Variants in MFN1 observed in about 807,000 individuals in gnomAD.
The protein encoded by MFN1 is mitofusin 1, also known as mitofusin-1.
A neutral mutation model predicts 92.4 loss-of-function variants in MFN1; 65 were observed. The observed-to-expected ratio is 0.70, with a 90% CI of 0.58 to 0.86. MFN1 has a LOEUF of 0.86. MFN1 is among the 40% of genes least tolerant of loss of function. The pLI, the probability that MFN1 is intolerant of heterozygous loss-of-function variation, is 0.00. For missense variants in MFN1, 781 were observed against 868.0 expected, an observed-to-expected ratio of 0.90 and a Z score of 1.26; for synonymous variants, 297 against 300.9, an observed-to-expected ratio of 0.99 and a Z score of 0.13.
At chr3:179,364,211 A>C (rs76221947) in intron 5 of MFN1, 86 bp from the exon 6 acceptor site, 26,524 of 840,170 alleles carry the variant, frequency 0.032, 557 homozygotes, top group Non-Finnish European at 0.04. Context: ...TTTAAACTTC[A>C]AATTATATAT....
intron 4 of MFN1, among the ~76,000 whole-genome samples, chr3:179,361,889 A>G (rs1455148853): frequency 6.6e-6 from 1 of 152,170 alleles, no homozygotes; most frequent in African/African-American, 2.4e-5. Flanking sequence ...CTGTTTCTGC[A>G]TTAATTGACT....
intron 9 of MFN1, among the ~76,000 whole-genome samples, chr3:179,372,121 A>C (rs1713048310): frequency 6.8e-6 from 1 of 147,518 alleles, no homozygotes; most frequent in Non-Finnish European, 1.5e-5. Context: ...TAAATATTAT[A>C]TATATATGCC....
At chr3:179,372,313 T>G (rs1713056341) in intron 9 of MFN1, among the ~76,000 whole-genome samples, 1 of 151,252 alleles carries the variant, frequency 6.6e-6, no homozygotes, top group South Asian at 2.1e-4. Context: ...TAGGGTCTGT[T>G]TTCAAGGGAA....
chr3:179,367,284 A>G (rs1173927160), intron 7 of MFN1, among the ~76,000 whole-genome samples, 155 bp from the exon 8 acceptor site: 2 of 152,264 alleles, frequency 1.3e-5, no homozygotes, highest in Non-Finnish European at 2.9e-5. Context: ...CCTGTCATCA[A>G]GTATCAAACT....
Position 179,394,624 on chromosome 3 carries a change from C to T in MFN1, c.*2565C>T, listed in dbSNP as rs1466230381. 4 of 151,748 alleles carry T rather than the reference C, an allele frequency of 2.6e-5. No individual in the cohort carries two copies. The highest frequency in any genetic ancestry group is 5.9e-5 in the Non-Finnish European group (4 of 67,930). 9.4% of individuals were successfully genotyped at this position (151,748 alleles called of 1,614,324 possible). On this transcript the variant is annotated 3_prime_UTR_variant, in exon 18 of 18. Coordinates refer to ENST00000471841, the MANE Select transcript of MFN1 (RefSeq NM_033540.3). ...TAGAGACGGGGTTTCACCGTGTTAGCCAGGATGGTCTCGATCTCCTGACCT... is the reference window on the plus strand; with the variant it reads ...TAGAGACGGGGTTTCACCGTGTTAGTCAGGATGGTCTCGATCTCCTGACCT...
intron 16 of MFN1, among the ~76,000 whole-genome samples, chr3:179,389,558 T>G (rs776642193): frequency 6.6e-6 from 1 of 152,202 alleles, no homozygotes; most frequent in Admixed American, 6.5e-5. Flanking sequence ...TTTAAAAATA[T>G]AATGTTTGCC....
intron 9 of MFN1, among the ~76,000 whole-genome samples, chr3:179,373,776 C>T (rs1312995154): frequency 6.6e-6 from 1 of 151,958 alleles, no homozygotes; most frequent in Non-Finnish European, 1.5e-5. Flanking sequence ...CGGGTTCTCG[C>T]CATTCTCCTG....
chr3:179,394,164 C>CTT lies in MFN1; in HGVS notation c.*2106_*2107dup, dbSNP rs1288157187. On this transcript the variant is annotated 3_prime_UTR_variant, in exon 18 of 18. Transcript: ENST00000471841. ...CACACAGCTATAATCAACCTTCAAA[C>CTT]TTATAAAAAGTGTGGATCCTTGGGT... 4 of 152,262 alleles carry CTT rather than the reference C, an allele frequency of 2.6e-5. No homozygotes were observed. In the East Asian group the frequency reaches 5.8e-4, roughly 22 times the overall value. 9.4% of individuals were successfully genotyped at this position (152,262 alleles called of 1,614,324 possible).
intron 14 of MFN1, among the ~76,000 whole-genome samples, chr3:179,383,337 A>G (rs2108554669): frequency 6.6e-6 from 1 of 152,280 alleles, no homozygotes; most frequent in South Asian, 2.1e-4. Flanking sequence ...TCCTTTCCCC[A>G]TTTCTTGTTT....
At chr3:179,383,852 T>G (rs1002846588) in intron 14 of MFN1, among the ~76,000 whole-genome samples, 1 of 152,228 alleles carries the variant, frequency 6.6e-6, no homozygotes, top group Non-Finnish European at 1.5e-5. Context: ...ACAAGCATTT[T>G]AAAAGAAAAA....
chr3:179,378,701 C>A lies in MFN1; in HGVS notation c.1549C>A (p.Gln517Lys). The part of the protein sequence containing the change: ...LNYHKLCSDF[Q>K]EDIVFRFSLG... Reference sequence around the variant, plus strand: ...TTACCACAAGTTATGTTCAGATTTTCAAGAGGATATTGTATTTCGTTTTTC... The same window carrying A: ...TTACCACAAGTTATGTTCAGATTTTAAAGAGGATATTGTATTTCGTTTTTC... The change falls in exon 14 of 18, where the codon CAA becomes AAA. Residue 517 changes from glutamine (Q) to lysine (K), a missense_variant. Transcript: ENST00000471841. 1 of 1,613,718 alleles carries A rather than the reference C, an allele frequency of 6.2e-7. No individual in the cohort carries two copies. Among genetic ancestry groups the A allele is most frequent in the Non-Finnish European group, 8.5e-7 (1 of 1,179,696 alleles).
intron 14 of MFN1, among the ~76,000 whole-genome samples, chr3:179,382,065 A>G (rs1012267798): frequency 1.3e-5 from 1 of 77,200 alleles, no homozygotes. Context: ...AAATACAAGC[A>G]TTTTTTTAAT....
chr3:179,361,328 T>G (rs1265786008), intron 4 of MFN1, among the ~76,000 whole-genome samples: 1 of 152,192 alleles, frequency 6.6e-6, no homozygotes, highest in Non-Finnish European at 1.5e-5. Flanking sequence ...TATTTTAGAT[T>G]CAGGGGTTGG....
At chr3:179,353,140 G>C (rs1300334211) in intron 3 of MFN1, among the ~76,000 whole-genome samples, 2 of 132,528 alleles carry the variant, frequency 1.5e-5, no homozygotes, top group East Asian at 2.3e-4. Flanking sequence ...TGCAACCTCC[G>C]CCTCCCGGGT....
At chr3:179,386,389 T>C (rs770432356) in intron 15 of MFN1, 44 bp from the exon 16 acceptor site, 15 of 1,489,626 alleles carry the variant, frequency 1.0e-5, no homozygotes, top group South Asian at 2.4e-5. Flanking sequence ...CTCTCCAAAG[T>C]GGTGTTTTTC....
At position 179,390,015 on chromosome 3, in the gene MFN1, CCACTT is replaced by C; in HGVS notation, c.2025_2029del (p.Thr676CysfsTer8). 1.3e-5 allele frequency: 20 copies of C among 1,599,150 alleles called. No individual in the cohort carries two copies. The highest frequency in any genetic ancestry group is 1.6e-5 in the Non-Finnish European group (19 of 1,176,016). On this transcript the variant is annotated frameshift_variant, in exon 17 of 18. Transcript: ENST00000471841. LOFTEE classifies it high-confidence loss of function. ...ATTTTTATTTTAAGACAAATAGCTA[CCACTT>C]TTGCTCGCCTGTGCCAACAAGTTGA...
At chr3:179,364,913 T>C (rs1256863661) in intron 6 of MFN1, among the ~76,000 whole-genome samples, 1 of 152,202 alleles carries the variant, frequency 6.6e-6, no homozygotes, top group Non-Finnish European at 1.5e-5. Flanking sequence ...GTTTAGGTAA[T>C]CTAATATTCA....
chr3:179,393,942 A>C lies in MFN1; in HGVS notation c.*1883A>C, dbSNP rs1713999646. 6.6e-6 allele frequency: 1 copy of C among 152,082 alleles called. No individual in the cohort carries two copies. Among genetic ancestry groups the C allele is most frequent in the Non-Finnish European group, 1.5e-5 (1 of 68,050 alleles). The allele number at this position is 152,082 out of a possible 1,614,324, so 9.4% of individuals were successfully genotyped here. ...CGTGATCATGGCTCACTGCAGCCTC[A>C]ACCTCTCGGGTTCAGGTGATCCTCC... On this transcript the variant is annotated 3_prime_UTR_variant, in exon 18 of 18. Transcript: ENST00000471841.
At chr3:179,362,137 G>C (rs140257654) in intron 4 of MFN1, among the ~76,000 whole-genome samples, 2 of 152,278 alleles carry the variant, frequency 1.3e-5, no homozygotes, top group East Asian at 3.9e-4. Context: ...AGTATCAGGA[G>C]TTGCTTAGAA....
Sources: gnomAD v4.1 joint callset for allele counts (sites outside exome capture counted in the v4.1 genomes callset) on GRCh38, gnomAD v4.1.1 for gene constraint, MANE v1.5 for transcripts, NCBI Gene and HGNC (gene_info 2026-07-23, HGNC 2026-07-21) for gene names.